Variants in ABCB4 observed in about 807,000 individuals in gnomAD.
The protein encoded by ABCB4 is phosphatidylcholine translocator ABCB4.
In ABCB4, 76 loss-of-function variants were observed where a neutral mutation model predicts 145.7. That is an observed-to-expected ratio of 0.52 (90% CI 0.43 to 0.63). The LOEUF (loss-of-function observed/expected upper bound fraction) is 0.63, where lower values mean the gene tolerates loss of function less well. ABCB4 is among the 30% of genes least tolerant of loss of function. The pLI is 0.00. For synonymous variants in ABCB4, 517 were observed against 566.8 expected (o/e 0.91, Z 1.25); for missense variants, 1,234 against 1,553.1 (o/e 0.79, Z 3.45).
intron 7 of ABCB4, 100 bp from the exon 8 acceptor site, chr7:87,450,192 C>G: frequency 6.7e-7 from 1 of 1,497,112 alleles, no homozygotes; most frequent in Non-Finnish European, 9.2e-7. Flanking sequence ...AAACCCTCTC[C>G]TTTAACAAAT....
In ABCB4 at chr7:87,471,858, C is replaced by T. The variant is rs45624040; in HGVS notation, c.135+763G>A. The stretch of plus-strand genomic sequence containing the variant: ...AATCAGAATTCCTAATAGTTACCCC[C>T]TATTTAGCCAATTTTTTGGAAACCA... On this transcript the variant is annotated intron_variant, in intron 3 of 27. Transcript: ENST00000649586. Among the ~76,000 whole-genome samples the T allele has an allele frequency of 6.8e-3, 1,028 of 152,286 alleles. 15 individuals carry two copies. The highest frequency in any genetic ancestry group is 0.023 in the African/African-American group (955 of 41,556).
At chr7:87,408,605 C>A (rs191011928) in intron 24 of ABCB4, among the ~76,000 whole-genome samples, 2 of 152,216 alleles carry the variant, frequency 1.3e-5, no homozygotes, top group Non-Finnish European at 2.9e-5. Flanking sequence ...TTTCAGTGGG[C>A]AGCCCTGATG....
intron 15 of ABCB4, among the ~76,000 whole-genome samples, chr7:87,429,525 A>C (rs932628744): frequency 1.3e-5 from 2 of 152,224 alleles, no homozygotes; most frequent in African/African-American, 2.4e-5. Context: ...CCAAGTCCTG[A>C]TGGAAGCAGA....
At chr7:87,367,451 G>A in the ABCB4 span, among the ~76,000 whole-genome samples, 4 of 152,132 alleles carry the variant, frequency 2.6e-5, no homozygotes, top group Admixed American at 2.0e-4. Context: ...TCAGATTTCT[G>A]GTCCTTAGAC....
intron 22 of ABCB4, 107 bp downstream of exon 22, chr7:87,413,510 T>C (rs113990605): frequency 2.5e-6 from 2 of 790,076 alleles, no homozygotes; most frequent in Non-Finnish European, 4.4e-6. Context: ...GCCACCCTTA[T>C]AGTCATATCA....
chr7:87,428,800 T>C (rs1054849785), intron 15 of ABCB4, among the ~76,000 whole-genome samples: 2 of 152,234 alleles, frequency 1.3e-5, no homozygotes, highest in African/African-American at 4.8e-5. Context: ...AGATACTGTT[T>C]AACTCTTTAG....
chr7:87,451,622 C>A lies in ABCB4; in HGVS notation c.708+1G>T. On this transcript the variant is annotated splice_donor_variant, in intron 7 of 27. Transcript: ENST00000649586. LOFTEE classifies it high-confidence loss of function. ...CATAAAAAGGCCCAGCTTTCACATA[C>A]CTTTGCCCAAACGGCTGCAGAGAGT... The A allele has an allele frequency of 6.2e-7, 1 of 1,614,120 alleles. No homozygotes were observed. The highest frequency in any genetic ancestry group is 8.5e-7 in the Non-Finnish European group (1 of 1,180,006).
intron 12 of ABCB4, among the ~76,000 whole-genome samples, chr7:87,441,986 C>A (rs530332021): frequency 1.3e-5 from 2 of 152,244 alleles, no homozygotes; most frequent in Admixed American, 1.3e-4. Flanking sequence ...TGCCACTGGG[C>A]ATTTTTTTCT....
At chr7:87,368,262 GCACCCTTCTGCCACCCT>G in the ABCB4 span, among the ~76,000 whole-genome samples, 1 of 152,162 alleles carries the variant, frequency 6.6e-6, no homozygotes, top group Admixed American at 6.6e-5. Flanking sequence ...TTGTGAGGTA[GCACCCTTCTGCCACCCT>G]CACCCTTTCC....
the ABCB4 span, chr7:87,375,700 G>C: frequency 1.2e-6 from 2 of 1,613,576 alleles, no homozygotes; most frequent in Non-Finnish European, 1.7e-6. Flanking sequence ...GCATTAACTA[G>C]TGAGGAGCGA....
intron 4 of ABCB4, among the ~76,000 whole-genome samples, chr7:87,456,831 G>T (rs930898701): frequency 6.6e-6 from 1 of 151,946 alleles, no homozygotes; most frequent in Non-Finnish European, 1.5e-5. Context: ...AGTCCCCGGG[G>T]AAACTCAGAG....
intron 2 of ABCB4, among the ~76,000 whole-genome samples, chr7:87,474,725 T>C (rs533477529): frequency 6.6e-6 from 1 of 152,190 alleles, no homozygotes; most frequent in Admixed American, 6.5e-5. Context: ...GCCCCGCTCA[T>C]AAAGCCTGTG....
the ABCB4 span, among the ~76,000 whole-genome samples, chr7:87,370,446 G>C: frequency 6.6e-6 from 1 of 152,304 alleles, no homozygotes; most frequent in East Asian, 1.9e-4. Context: ...GCCTCCCAAA[G>C]TGCTGGGATT....
chr7:87,402,437 T>C, intron 27 of ABCB4, 135 bp from the exon 28 acceptor site: 1 of 1,081,458 alleles, frequency 9.2e-7, no homozygotes, highest in Non-Finnish European at 1.4e-6. Flanking sequence ...ACTTTATGCA[T>C]GTGTATTTTG....
At chr7:87,416,278 T>C (rs566289160) in intron 21 of ABCB4, among the ~76,000 whole-genome samples, 1 of 152,352 alleles carries the variant, frequency 6.6e-6, no homozygotes, top group African/African-American at 2.4e-5. Flanking sequence ...AGTCCGAATG[T>C]TAATCTTCCC....
chr7:87,468,941 T>TAAATAAAATAAGACAAAATAAGATA lies in ABCB4; in HGVS notation c.135+3679_135+3680insTATCTTATTTTGTCTTATTTTATTT, dbSNP rs1554416071. ...GCGCAACTCCGTCTCAAAAAATAAA[T>TAAATAAAATAAGACAAAATAAGATA]AAATAAAATAAAATAAAATAAAATA... On this transcript the variant is annotated intron_variant, in intron 3 of 27. Transcript: ENST00000649586. Among the ~76,000 whole-genome samples the TAAATAAAATAAGACAAAATAAGATA allele has an allele frequency of 2.2e-5, 3 of 138,878 alleles. 1 individual carries two copies. Among genetic ancestry groups the TAAATAAAATAAGACAAAATAAGATA allele is most frequent in the African/African-American group, 8.7e-5 (3 of 34,488 alleles). The allele number at this position is 138,878 out of a possible 152,430, so 91.1% of individuals were successfully genotyped here. A position where few individuals can be genotyped will look rare whatever the true frequency, so the allele number is the denominator to read the frequency against.
chr7:87,413,930 T>C (rs1808797764), intron 21 of ABCB4, among the ~76,000 whole-genome samples: 1 of 152,210 alleles, frequency 6.6e-6, no homozygotes, highest in Non-Finnish European at 1.5e-5. Context: ...GGCAAGTCTT[T>C]GTATGCTCAG....
Position 87,408,128 on chromosome 7 carries a change from T to C in ABCB4, c.3188A>G (p.Gln1063Arg). 6.2e-7 allele frequency: 1 copy of C among 1,614,242 alleles called. No homozygotes were observed. The highest frequency in any genetic ancestry group is 8.5e-7 in the Non-Finnish European group (1 of 1,180,032). Residue 1063 changes from glutamine (Q) to arginine (R), a missense_variant, in exon 25 of 28, where the codon CAG (glutamine) becomes CGG (arginine). Around this residue, in one of 7 missense-constraint regions of ABCB4, gnomAD observed 301 missense variants for 389.0 expected, o/e 0.77. Transcript: ENST00000649586. ...ACTGCTGCCCACCAGGGCTAGTGTCTGGCCTTTCTTCACCTCCAGGCTCAG... is the reference window on the plus strand; with the variant it reads ...ACTGCTGCCCACCAGGGCTAGTGTCCGGCCTTTCTTCACCTCCAGGCTCAG... Reference protein sequence around the residue: ...QGLSLEVKKGQTLALVGSSGC... With the variant: ...QGLSLEVKKGRTLALVGSSGC...
At chr7:87,465,744 A>G (rs1342704678) in intron 3 of ABCB4, among the ~76,000 whole-genome samples, 1 of 152,176 alleles carries the variant, frequency 6.6e-6, no homozygotes, top group East Asian at 1.9e-4. Context: ...CTGTTCATCA[A>G]TATTCGCTGT....
Sources: allele counts gnomAD v4.1 joint callset (sites outside exome capture counted in the v4.1 genomes callset), GRCh38; gene constraint gnomAD v4.1.1; regional missense constraint gnomAD v4.1.1; transcripts MANE v1.5; gene names NCBI Gene and HGNC (gene_info 2026-07-23, HGNC 2026-07-21).